The following DLGAP1 variants were observed in gnomAD, a reference collection of about 807,000 sequenced individuals.
DLGAP1 encodes DLG associated protein 1, also known as disks large-associated protein 1.
DLGAP1 carries 11 observed loss-of-function variants against 90.8 expected under a neutral mutation model. That is an observed-to-expected ratio of 0.12 (90% CI 0.08 to 0.20). The LOEUF (loss-of-function observed/expected upper bound fraction) is 0.20. Ranked by LOEUF, DLGAP1 falls within the 10% of genes least tolerant of loss-of-function variation. DLGAP1 has a pLI of 1.00. For synonymous variants in DLGAP1, 558 were observed against 540.7 expected (o/e 1.03, Z -0.44); for missense variants, 1,050 against 1,333.8 (o/e 0.79, Z 3.31).
intron 7 of DLGAP1, among the ~76,000 whole-genome samples, chr18:3,601,368 G>A (rs993039110): frequency 1.3e-5 from 2 of 151,986 alleles, no homozygotes; most frequent in Non-Finnish European, 2.9e-5. Context: ...TTACAGGTGT[G>A]AGCCACTGCG....
At chr18:3,536,444 G>A (rs772679029) in intron 9 of DLGAP1, among the ~76,000 whole-genome samples, 1 of 151,884 alleles carries the variant, frequency 6.6e-6, no homozygotes, top group Non-Finnish European at 1.5e-5. Flanking sequence ...GGCTGGTCTC[G>A]AACTCCTGAC....
At chr18:3,934,253 G>T (rs1321349544) in intron 3 of DLGAP1, among the ~76,000 whole-genome samples, 5 of 152,036 alleles carry the variant, frequency 3.3e-5, no homozygotes, top group African/African-American at 1.2e-4. Context: ...TTTCCCTAAA[G>T]GTTCTAGTTC....
chr18:3,740,971 TCACATCAC>T (rs2062890385), intron 6 of DLGAP1, among the ~76,000 whole-genome samples: 1 of 68,456 alleles, frequency 1.5e-5, no homozygotes, highest in African/African-American at 5.7e-5. Flanking sequence ...ACCACCACCA[TCACATCAC>T]CACCACCACC....
chr18:3,955,358 C>CA (rs1413921451), intron 3 of DLGAP1, among the ~76,000 whole-genome samples: 5 of 152,114 alleles, frequency 3.3e-5, no homozygotes, highest in Admixed American at 2.0e-4. Context: ...TATAGGAATA[C>CA]AAAAATATCC....
intron 3 of DLGAP1, among the ~76,000 whole-genome samples, chr18:3,941,567 C>G (rs183419363): frequency 3.7e-4 from 56 of 152,260 alleles, no homozygotes; most frequent in African/African-American, 1.3e-3. Flanking sequence ...AAATCAGAAG[C>G]CTGGAGGACC....
intron 7 of DLGAP1, among the ~76,000 whole-genome samples, chr18:3,670,739 T>G (rs1182578990): frequency 1.1e-4 from 16 of 152,246 alleles, no homozygotes; most frequent in Admixed American, 1.0e-3. Flanking sequence ...ACAATTCTGA[T>G]TATACCTGCT....
At chr18:4,109,038 T>TA (rs1309907199) in intron 2 of DLGAP1, among the ~76,000 whole-genome samples, 1 of 152,108 alleles carries the variant, frequency 6.6e-6, no homozygotes, top group African/African-American at 2.4e-5. Flanking sequence ...TGGGAGTGAG[T>TA]TACTTCATTA....
At chr18:3,807,807 G>A (rs141240635) in intron 5 of DLGAP1, among the ~76,000 whole-genome samples, 63 of 152,218 alleles carry the variant, frequency 4.1e-4, no homozygotes, top group Non-Finnish European at 6.9e-4. Flanking sequence ...GAAAAGTATC[G>A]GGACTTTCTT....
chr18:4,216,142 G>C (rs1568455639), intron 1 of DLGAP1, among the ~76,000 whole-genome samples: 1 of 152,034 alleles, frequency 6.6e-6, no homozygotes, highest in Admixed American at 6.6e-5. Context: ...ATGGCACAAG[G>C]GGAAGCAAAC....
In DLGAP1 at chr18:4,280,551, T is replaced by TAA. The variant is rs1330387154; in HGVS notation, c.-266-129265_-266-129264insTT. Among the ~76,000 whole-genome samples the TAA allele has an allele frequency of 1.1e-4, 17 of 152,294 alleles. No individual in the cohort carries two copies. In the South Asian group the frequency reaches 2.9e-3, roughly 26 times the overall value. ...TGTCTGTCAACTCCCAGACTAGGGA[T>TAA]ATTCCCACAGTTCCACACTGTCCCT... On this transcript the variant is annotated intron_variant, in intron 1 of 12. Transcript: ENST00000315677.
rs1342050754 is a variant in DLGAP1, at chr18:3,773,302, A to G, written c.1173-30790T>C. ...TATAAGAACATTTGGTAATAAACTA[A>G]TATTAGCAGATAATTTATCTTTTTT... is the stretch of plus-strand genomic sequence containing the variant. On this transcript the variant is annotated intron_variant, in intron 5 of 12. Transcript: ENST00000315677. Among the ~76,000 whole-genome samples, 3 of 152,154 alleles carry G rather than the reference A, an allele frequency of 2.0e-5. No individual in the cohort carries two copies. The East Asian group carries it at 5.8e-4, about 29-fold the overall frequency.
chr18:4,424,555 G>A (rs1278293794), intron 1 of DLGAP1, among the ~76,000 whole-genome samples: 1 of 152,082 alleles, frequency 6.6e-6, no homozygotes, highest in African/African-American at 2.4e-5. Context: ...TACTTTCAAG[G>A]ATAAAATTAG....
intron 1 of DLGAP1, among the ~76,000 whole-genome samples, chr18:4,224,643 G>T (rs1460095762): frequency 1.3e-5 from 2 of 152,124 alleles, no homozygotes; most frequent in Non-Finnish European, 2.9e-5. Context: ...AGAGTGGGAA[G>T]AACTGTCTTG....
intron 10 of DLGAP1, among the ~76,000 whole-genome samples, chr18:3,521,666 T>C (rs1282476813): frequency 6.6e-6 from 1 of 152,210 alleles, no homozygotes; most frequent in African/African-American, 2.4e-5. Context: ...TTCCCCTGCA[T>C]AGCTGTCTCT....
At chr18:4,270,978 T>C (rs976139406) in intron 1 of DLGAP1, among the ~76,000 whole-genome samples, 3 of 152,200 alleles carry the variant, frequency 2.0e-5, no homozygotes, top group Non-Finnish European at 2.9e-5. Context: ...TTTCTTTCCC[T>C]TGTGGATTAT....
intron 3 of DLGAP1, among the ~76,000 whole-genome samples, chr18:3,911,808 T>C (rs145626531): frequency 0.014 from 2,101 of 152,344 alleles, 30 homozygotes; most frequent in South Asian, 0.025. Flanking sequence ...AAGATGTGAA[T>C]TGATACATCT....
chr18:3,570,238 T>C (rs761783951), intron 8 of DLGAP1, among the ~76,000 whole-genome samples: 6 of 151,866 alleles, frequency 4.0e-5, no homozygotes, highest in Non-Finnish European at 7.3e-5. Context: ...TTCTGGCCTA[T>C]TGATCTGCTG....
At chr18:4,090,092 T>C (rs1483469555) in intron 2 of DLGAP1, among the ~76,000 whole-genome samples, 2 of 152,106 alleles carry the variant, frequency 1.3e-5, no homozygotes, top group African/African-American at 2.4e-5. Context: ...TAAACAAAAA[T>C]TAACTCAAGA....
At chr18:3,892,854 A>G (rs1568283791) in intron 3 of DLGAP1, among the ~76,000 whole-genome samples, 1 of 150,058 alleles carries the variant, frequency 6.7e-6, no homozygotes, top group Admixed American at 6.7e-5. Context: ...AAATCTAACC[A>G]CTTTCTCCTC....
Sources: gnomAD v4.1 joint callset for allele counts (sites outside exome capture counted in the v4.1 genomes callset) on GRCh38, gnomAD v4.1.1 for gene constraint, MANE v1.5 for transcripts, NCBI Gene and HGNC (gene_info 2026-07-23, HGNC 2026-07-21) for gene names.